The following NRG2 variants were observed in gnomAD, a reference collection of about 807,000 sequenced individuals.
NRG2 encodes pro-neuregulin-2, membrane-bound isoform.
NRG2 carries 27 observed loss-of-function variants against 73.9 expected under a neutral mutation model. That is an observed-to-expected ratio of 0.37 (90% CI 0.27 to 0.50). The LOEUF (loss-of-function observed/expected upper bound fraction) is 0.50, where lower values mean the gene tolerates loss of function less well. Among genes scored for constraint, NRG2 ranks in the 20% least tolerant of loss-of-function variants. NRG2 has a pLI of 0.96. For missense variants in NRG2, 1,126 were observed against 1,210.1 expected, an observed-to-expected ratio of 0.93 and a Z score of 1.03; for synonymous variants, 532 against 541.0, an observed-to-expected ratio of 0.98 and a Z score of 0.23.
Position 140,042,518 on chromosome 5 carries a change from G to A in NRG2, c.552C>T (p.Ser184=), listed in dbSNP as rs779340513. 1.2e-5 allele frequency: 20 copies of A among 1,613,550 alleles called. No individual in the cohort carries two copies. In the Admixed American group the frequency reaches 2.0e-4, roughly 16 times the overall value. The change falls in exon 1 of 10, where the codon TCC becomes TCT. Residue 184 remains serine (S), a synonymous_variant. Transcript: ENST00000361474. ...LQREQVISVG[S]CVPLERNQRY... is the part of the protein sequence containing the mutation. ...GCTGGTTCCTTTCGAGCGGCACACA[G>A]GAGCCCACGCTGATCACCTGCTCGC...
At chr5:140,007,841 T>G (rs571646157) in intron 1 of NRG2, among the ~76,000 whole-genome samples, 2 of 152,346 alleles carry the variant, frequency 1.3e-5, no homozygotes, top group East Asian at 3.9e-4. Context: ...AGGACTCAAG[T>G]GCTGGAAAGA....
chr5:140,012,484 T>G (rs71581525), intron 1 of NRG2, among the ~76,000 whole-genome samples: 14,558 of 152,224 alleles, frequency 0.096, 1,161 homozygotes, highest in East Asian at 0.47. Context: ...TTCCTTGAAC[T>G]CTTCTTCTCT....
chr5:140,035,744 A>G (rs1489909856), intron 1 of NRG2, among the ~76,000 whole-genome samples: 1 of 152,206 alleles, frequency 6.6e-6, no homozygotes, highest in African/African-American at 2.4e-5. Flanking sequence ...AAAACATCCC[A>G]GCATAAAGGA....
intron 1 of NRG2, among the ~76,000 whole-genome samples, chr5:139,998,652 C>T (rs1758210088): frequency 6.6e-6 from 1 of 152,162 alleles, no homozygotes; most frequent in Non-Finnish European, 1.5e-5. Context: ...AATCTCAATG[C>T]TCAAGAGGCC....
intron 1 of NRG2, among the ~76,000 whole-genome samples, chr5:139,986,794 A>G (rs779763376): frequency 4.6e-5 from 7 of 152,230 alleles, no homozygotes; most frequent in Non-Finnish European, 1.0e-4. Flanking sequence ...TATTTTGACT[A>G]ATTTAAATTC....
intron 3 of NRG2, among the ~76,000 whole-genome samples, chr5:139,875,599 C>T (rs1763124705): frequency 6.6e-6 from 1 of 152,114 alleles, no homozygotes; most frequent in Non-Finnish European, 1.5e-5. Flanking sequence ...TGCAAACATT[C>T]CAAAAAGGTC....
In NRG2 at chr5:139,848,628, C is replaced by T. The variant is rs1761192916; in HGVS notation, c.1842G>A (p.Gln614=). ...GGGACGTGATCTCGAAAGTTGGCAC[C>T]TGCGTGGCCAGCGAGTAGTGGAAGT... is the stretch of plus-strand genomic sequence containing the variant. ...PVDFHYSLAT[Q]VPTFEITSPN... is the part of the protein sequence containing the mutation. The change falls in exon 10 of 10, where the codon CAG becomes CAA. Residue 614 remains glutamine, a synonymous_variant. Coordinates refer to ENST00000361474, the MANE Select transcript of NRG2 (RefSeq NM_004883.3). 2 of 1,578,136 alleles carry T rather than the reference C, an allele frequency of 1.3e-6. No individual in the cohort carries two copies. The highest frequency in any genetic ancestry group is 1.1e-5 in the South Asian group (1 of 88,200).
rs1399852762 is a variant in NRG2, at chr5:139,954,055, T to C, written c.701-66544A>G. ...GCTCACTGGGAGGCAAGGGGCAGGG[T>C]GTGGGGGTGGCTGGAAGCTGAAAAA... On this transcript the variant is annotated intron_variant, in intron 1 of 9. Coordinates refer to ENST00000361474, the MANE Select transcript of NRG2 (RefSeq NM_004883.3). The surrounding 1 kb of genome is among the most constrained non-coding windows in gnomAD (Gnocchi z 5.0). 6.7e-6 allele frequency among the ~76,000 whole-genome samples: 1 copy of C among 149,396 alleles called. No individual in the cohort carries two copies. Among genetic ancestry groups the C allele is most frequent in the African/African-American group, 2.5e-5 (1 of 40,358 alleles).
chr5:140,021,253 C>T (rs1016277867), intron 1 of NRG2, among the ~76,000 whole-genome samples: 3 of 152,168 alleles, frequency 2.0e-5, no homozygotes, highest in Non-Finnish European at 4.4e-5. Context: ...GTCACAGAGC[C>T]AGTAAGTGAC....
intron 4 of NRG2, 102 bp downstream of exon 4, chr5:139,871,619 T>C (rs904323480): frequency 6.7e-7 from 1 of 1,500,292 alleles, no homozygotes; most frequent in African/African-American, 1.4e-5. Flanking sequence ...TGGGGACCTC[T>C]TGTCAGTGGC....
Position 139,855,259 on chromosome 5 carries a change from G to A in NRG2, c.1292+417C>T, listed in dbSNP as rs146417811. 1.6e-3 allele frequency among the ~76,000 whole-genome samples: 244 copies of A among 152,224 alleles called. 1 individual carries two copies. The highest frequency in any genetic ancestry group is 5.6e-3 in the African/African-American group (234 of 41,536). On this transcript the variant is annotated intron_variant, in intron 6 of 9. Transcript: ENST00000361474. ...ACTACCTAGTACCTGCCCACTTGAC[G>A]GGGCACCTGCTCCAGGAGCCTGTGG...
chr5:139,993,319 T>C (rs1757779876), intron 1 of NRG2, among the ~76,000 whole-genome samples: 3 of 152,186 alleles, frequency 2.0e-5, no homozygotes, highest in South Asian at 4.1e-4. Context: ...CATCTACCTC[T>C]CTGATTTAAT....
At chr5:139,948,285 T>A (rs1753946544) in intron 1 of NRG2, among the ~76,000 whole-genome samples, 1 of 152,176 alleles carries the variant, frequency 6.6e-6, no homozygotes, top group South Asian at 2.1e-4. Context: ...ACGGAACCAG[T>A]CTCATTGCAC....
At chr5:140,040,686 A>G (rs1761845162) in intron 1 of NRG2, among the ~76,000 whole-genome samples, 2 of 152,128 alleles carry the variant, frequency 1.3e-5, no homozygotes, top group Non-Finnish European at 2.9e-5. Flanking sequence ...TTCAATAAAT[A>G]TTTTTACTAT....
chr5:139,847,209 G>T lies in NRG2; in HGVS notation c.*708C>A. Reference sequence around the variant, plus strand: ...GTCCTGGAGGCTGTGGGGGACAGGAGCCGCCAACATTGGGCCCCTGGCAGA... The same window carrying T: ...GTCCTGGAGGCTGTGGGGGACAGGATCCGCCAACATTGGGCCCCTGGCAGA... On this transcript the variant is annotated 3_prime_UTR_variant, in exon 10 of 10. Transcript: ENST00000361474. The T allele has an allele frequency of 6.6e-6, 1 of 152,360 alleles. No individual in the cohort carries two copies. The highest frequency in any genetic ancestry group is 1.5e-5 in the Non-Finnish European group (1 of 68,074). 9.4% of individuals were successfully genotyped at this position (152,360 alleles called of 1,614,324 possible). A position where few individuals can be genotyped will look rare whatever the true frequency, so the allele number is the denominator to read the frequency against.
chr5:140,022,344 T>A (rs1052734100), intron 1 of NRG2, among the ~76,000 whole-genome samples: 5 of 152,204 alleles, frequency 3.3e-5, no homozygotes, highest in Admixed American at 6.5e-5. Context: ...ATATTTGTCC[T>A]CCCTCTCTCC....
At chr5:139,980,101 C>T (rs564761320) in intron 1 of NRG2, among the ~76,000 whole-genome samples, 2 of 152,262 alleles carry the variant, frequency 1.3e-5, no homozygotes, top group Admixed American at 6.5e-5. Flanking sequence ...CTTATCACTG[C>T]CTCTTTCTTC....
intron 1 of NRG2, among the ~76,000 whole-genome samples, chr5:140,040,519 G>A (rs1006970855): frequency 2.0e-5 from 3 of 152,156 alleles, no homozygotes; most frequent in African/African-American, 7.2e-5. Context: ...TAGGAGGAGG[G>A]AGACAAGGGA....
intron 1 of NRG2, among the ~76,000 whole-genome samples, chr5:139,956,486 G>A (rs1754637236): frequency 6.6e-6 from 1 of 152,182 alleles, no homozygotes; most frequent in African/African-American, 2.4e-5. Context: ...GAAGGATCAA[G>A]CTGTTGCCTC....
Sources: allele counts gnomAD v4.1 joint callset (sites outside exome capture counted in the v4.1 genomes callset), GRCh38; gene constraint gnomAD v4.1.1; non-coding constraint Gnocchi (gnomAD v3.1); transcripts MANE v1.5; gene names NCBI Gene and HGNC (gene_info 2026-07-23, HGNC 2026-07-21).